Variants in RELN observed in about 807,000 individuals in gnomAD.
RELN encodes the protein reelin.
Under a neutral mutation model 427.6 loss-of-function variants are expected in RELN, and 108 were observed. The observed-to-expected ratio is 0.25, with a 90% CI of 0.22 to 0.30. The LOEUF (loss-of-function observed/expected upper bound fraction) is 0.30, where lower values mean the gene tolerates loss of function less well. Among genes scored for constraint, RELN ranks in the 10% least tolerant of loss-of-function variants. The pLI, the probability that RELN is intolerant of heterozygous loss-of-function variation, is 1.00. For missense variants in RELN, 3,715 were observed against 4,302.8 expected, an observed-to-expected ratio of 0.86 and a Z score of 3.82; for synonymous variants, 1,524 against 1,513.4, an observed-to-expected ratio of 1.01 and a Z score of -0.16.
chr7:103,665,188 T>TG (rs1833233485), intron 11 of RELN, among the ~76,000 whole-genome samples: 1 of 152,128 alleles, frequency 6.6e-6, no homozygotes, highest in African/African-American at 2.4e-5. Context: ...TGTTAACCGT[T>TG]GGCCCTAATT....
chr7:103,864,203 G>A (rs1156673995), intron 2 of RELN, among the ~76,000 whole-genome samples: 1 of 152,146 alleles, frequency 6.6e-6, no homozygotes, highest in Non-Finnish European at 1.5e-5. Flanking sequence ...AACTTTAAGC[G>A]ACTAGCCCAA....
At chr7:103,617,459 A>C (rs1203970091) in intron 20 of RELN, among the ~76,000 whole-genome samples, 1 of 151,082 alleles carries the variant, frequency 6.6e-6, no homozygotes, top group Non-Finnish European at 1.5e-5. Flanking sequence ...AGCCTAGTTC[A>C]TGATATTTTC....
chr7:103,834,531 T>C (rs1416125620), intron 2 of RELN, among the ~76,000 whole-genome samples: 2 of 152,154 alleles, frequency 1.3e-5, no homozygotes, highest in African/African-American at 2.4e-5. Flanking sequence ...AGGGGATGCT[T>C]TTCTTTTTCT....
At chr7:103,698,668 A>G (rs944897080) in intron 9 of RELN, among the ~76,000 whole-genome samples, 2 of 151,986 alleles carry the variant, frequency 1.3e-5, no homozygotes, top group East Asian at 3.9e-4. Flanking sequence ...ATCCATCACC[A>G]TGCCCAGCTA....
chr7:103,493,868 T>C (rs1372963494), intron 57 of RELN, among the ~76,000 whole-genome samples: 1 of 152,062 alleles, frequency 6.6e-6, no homozygotes, highest in Non-Finnish European at 1.5e-5. Context: ...GACTTTCAAG[T>C]ATGTAGTTTT....
intron 16 of RELN, among the ~76,000 whole-genome samples, chr7:103,641,450 T>C (rs542977057): frequency 6.6e-6 from 1 of 152,312 alleles, no homozygotes; most frequent in South Asian, 2.1e-4. Flanking sequence ...ATTCAATGAA[T>C]TGTAGGCCAA....
chr7:103,635,622 A>G (rs753039809), intron 18 of RELN, 36 bp from the exon 19 acceptor site: 99 of 1,555,316 alleles, frequency 6.4e-5, no homozygotes, highest in Non-Finnish European at 8.8e-5. Flanking sequence ...TGTATGCATA[A>G]ACATTTTTAA....
chr7:103,602,979 C>A (rs1831710546), intron 24 of RELN, among the ~76,000 whole-genome samples: 1 of 152,052 alleles, frequency 6.6e-6, no homozygotes, highest in South Asian at 2.1e-4. Context: ...TGAGAAGAGA[C>A]CAAAAGCCTT....
intron 4 of RELN, among the ~76,000 whole-genome samples, chr7:103,775,085 T>C (rs1291281784): frequency 2.0e-5 from 3 of 152,196 alleles, no homozygotes; most frequent in Admixed American, 6.5e-5. Context: ...AATTAGTTTT[T>C]AGACAATGGT....
rs1420434464 is a variant in RELN at position 103,912,283 on chromosome 7, A to T, written c.337+4792T>A. 2.7e-5 allele frequency among the ~76,000 whole-genome samples: 4 copies of T among 146,372 alleles called. No homozygotes were observed. The East Asian group carries it at 8.2e-4, about 30-fold the overall frequency. On this transcript the variant is annotated intron_variant, in intron 2 of 64. Coordinates refer to ENST00000428762, the MANE Select transcript of RELN (RefSeq NM_005045.4). ...TGATCTCGGCTCACTGCAAACCTCCACCTCCCGGGTCAAGTGATTCTCCTG... is the reference window on the plus strand; with the variant it reads ...TGATCTCGGCTCACTGCAAACCTCCTCCTCCCGGGTCAAGTGATTCTCCTG...
At chr7:103,556,521 A>G (rs1165779274) in intron 38 of RELN, among the ~76,000 whole-genome samples, 1 of 152,084 alleles carries the variant, frequency 6.6e-6, no homozygotes, top group Non-Finnish European at 1.5e-5. Context: ...CTCATCTTGA[A>G]TTGTACTCCC....
In RELN at chr7:103,515,414, A is replaced by G; in HGVS notation, c.7890T>C (p.Asp2630=). The G allele has an allele frequency of 6.2e-7, 1 of 1,614,158 alleles. No homozygotes were observed. Among genetic ancestry groups the G allele is most frequent in the Non-Finnish European group, 8.5e-7 (1 of 1,180,032 alleles). The change falls in exon 50 of 65, where the codon GAT becomes GAC. Residue 2630 remains aspartate (D), a synonymous_variant. Coordinates refer to ENST00000428762, the MANE Select transcript of RELN (RefSeq NM_005045.4). ...PGFVNILLPP[D]AKEIATRFRW... is the part of the protein sequence containing the mutation. ...GGAAGCGAGTGGCAATCTCTTTAGC[A>G]TCAGGAGGGAGAAGGATATTCACAA...
rs894961820 is a variant in RELN at position 103,702,729 on chromosome 7, T to C, written c.806-1723A>G. ...CATTAGTTTTTGTTGAATGCATCTC[T>C]TCCTTGACATTGTCAAGGGACCCTC... On this transcript the variant is annotated intron_variant, in intron 8 of 64. Transcript: ENST00000428762. Among the ~76,000 whole-genome samples, 30 of 152,332 alleles carry C rather than the reference T, an allele frequency of 2.0e-4. 1 individual carries two copies. Among genetic ancestry groups the C allele is most frequent in the African/African-American group, 6.7e-4 (28 of 41,580 alleles).
rs1445198495 is a variant in RELN, at chr7:103,620,287, ATC to A, written c.2703-8486_2703-8485del. Among the ~76,000 whole-genome samples the A allele has an allele frequency of 3.3e-5, 5 of 151,958 alleles. No individual in the cohort carries two copies. The highest frequency in any genetic ancestry group is 1.9e-4 in the East Asian group (1 of 5,184). On this transcript the variant is annotated intron_variant, in intron 20 of 64. Coordinates refer to ENST00000428762, the MANE Select transcript of RELN (RefSeq NM_005045.4). This position sits in a 1 kb window ranked among gnomAD's most constrained non-coding sequence, Gnocchi z 4.1. ...TCACGTGGAACTGTGAGTCCATTAA[ATC>A]TCTTTTTCTTTATAAATTGTCCAGT... is the stretch of plus-strand genomic sequence containing the variant.
At chr7:103,765,939 T>C (rs949233982) in intron 4 of RELN, among the ~76,000 whole-genome samples, 2 of 152,202 alleles carry the variant, frequency 1.3e-5, no homozygotes, top group Admixed American at 6.5e-5. Flanking sequence ...CACCATTCTT[T>C]AGGAAATTAA....
chr7:103,787,402 T>A (rs1330571946), intron 3 of RELN, among the ~76,000 whole-genome samples: 1 of 151,722 alleles, frequency 6.6e-6, no homozygotes, highest in Non-Finnish European at 1.5e-5. Flanking sequence ...GGAGCTGGTT[T>A]TCTGAAAAGA....
chr7:103,838,208 C>CAAA (rs58553259), intron 2 of RELN, among the ~76,000 whole-genome samples: 7 of 81,082 alleles, frequency 8.6e-5, no homozygotes, highest in Non-Finnish European at 1.1e-4. Context: ...GACTTCGTCT[C>CAAA]AAAAAAAAAA....
At chr7:103,768,532 T>A (rs2116166017) in intron 4 of RELN, among the ~76,000 whole-genome samples, 1 of 152,334 alleles carries the variant, frequency 6.6e-6, no homozygotes, top group Admixed American at 6.5e-5. Flanking sequence ...CCACACTGCC[T>A]CATCATGGTC....
intron 4 of RELN, among the ~76,000 whole-genome samples, chr7:103,773,100 TTTTCTTTCTTTCTTTCTTTCTTTC>T (rs550940718): frequency 0.034 from 4,382 of 128,666 alleles, 104 homozygotes; most frequent in Middle Eastern, 0.053. Context: ...GGTTCTCCTC[TTTTCTTTCTTTCTTTCTTTCTTTC>T]TTTCTTTCTT....
Sources: gnomAD v4.1 joint callset for allele counts (sites outside exome capture counted in the v4.1 genomes callset) on GRCh38, gnomAD v4.1.1 for gene constraint, Gnocchi (gnomAD v3.1) non-coding constraint, MANE v1.5 for transcripts, NCBI Gene and HGNC (gene_info 2026-07-23, HGNC 2026-07-21) for gene names.